CFAP95: variants seen among roughly 807,000 people sequenced by gnomAD.
CFAP95 encodes cilia- and flagella-associated protein 95.
chr9:69,881,990 C>CT, the CFAP95 span, among the ~76,000 whole-genome samples: 89,212 of 143,786 alleles, frequency 0.62, 27,687 homozygotes, highest in East Asian at 0.81. Flanking sequence ...ATAGAAATGC[C>CT]TTTTTTTTTT....
the CFAP95 span, among the ~76,000 whole-genome samples, chr9:69,898,144 G>A: frequency 6.6e-6 from 1 of 152,264 alleles, no homozygotes; most frequent in Non-Finnish European, 1.5e-5. Context: ...AGGGTGGCTA[G>A]AGGTTAATTG....
chr9:69,889,566 C>G, the CFAP95 span, among the ~76,000 whole-genome samples: 241 of 152,270 alleles, frequency 1.6e-3, no homozygotes, highest in African/African-American at 5.4e-3. Flanking sequence ...TTCCCCAGGC[C>G]CTAGCCCACC....
chr9:69,895,369 C>CTGTGTG, the CFAP95 span, among the ~76,000 whole-genome samples: 101 of 107,910 alleles, frequency 9.4e-4, 2 homozygotes, highest in East Asian at 0.016. Context: ...CTCTCTCTCT[C>CTGTGTG]TGTGTGTGTG....
chr9:69,857,853 A>G, the CFAP95 span: 6 of 1,537,616 alleles, frequency 3.9e-6, no homozygotes, highest in Non-Finnish European at 5.4e-6. Flanking sequence ...CATGGCTTTG[A>G]AAGTTTACAC....
At chr9:69,878,339 C>T in the CFAP95 span, among the ~76,000 whole-genome samples, 36 of 152,306 alleles carry the variant, frequency 2.4e-4, no homozygotes, top group African/African-American at 3.8e-4. Context: ...CTTGTTCTTA[C>T]GATTTCCTCA....
At chr9:69,842,094 A>G in the CFAP95 span, among the ~76,000 whole-genome samples, 2 of 152,156 alleles carry the variant, frequency 1.3e-5, no homozygotes, top group African/African-American at 2.4e-5. Context: ...ATGAAACACT[A>G]TCTGTTCGGT....
chr9:69,828,795 G>A, the CFAP95 span, among the ~76,000 whole-genome samples: 1 of 152,102 alleles, frequency 6.6e-6, no homozygotes, highest in Non-Finnish European at 1.5e-5. Context: ...GTGCATTTAT[G>A]GATTATTTGT....
the CFAP95 span, chr9:69,884,532 T>C: frequency 6.6e-6 from 1 of 152,190 alleles, no homozygotes; most frequent in Non-Finnish European, 1.5e-5. Flanking sequence ...GATGTTGAAC[T>C]TAGTGTGGAC....
At chr9:69,878,270 A>G in the CFAP95 span, among the ~76,000 whole-genome samples, 1 of 152,148 alleles carries the variant, frequency 6.6e-6, no homozygotes, top group Non-Finnish European at 1.5e-5. Flanking sequence ...TCCCAAGACT[A>G]TAACTGTGGT....
the CFAP95 span, among the ~76,000 whole-genome samples, chr9:69,894,568 G>T: frequency 1.3e-5 from 2 of 152,146 alleles, no homozygotes; most frequent in Admixed American, 6.5e-5. Flanking sequence ...CCTCACAACT[G>T]CCCCAGAATA....
the CFAP95 span, among the ~76,000 whole-genome samples, chr9:69,858,382 A>G: frequency 2.0e-5 from 3 of 152,202 alleles, no homozygotes; most frequent in South Asian, 4.1e-4. Context: ...CTCTCATTCC[A>G]TAAACGTGTT....
At chr9:69,874,934 A>G in the CFAP95 span, among the ~76,000 whole-genome samples, 282 of 152,314 alleles carry the variant, frequency 1.9e-3, no homozygotes, top group African/African-American at 6.5e-3. Context: ...CTCTGCTTCC[A>G]GAACCAGGGG....
chr9:69,878,710 T>C, the CFAP95 span, among the ~76,000 whole-genome samples: 5 of 152,352 alleles, frequency 3.3e-5, no homozygotes, highest in African/African-American at 1.2e-4. Flanking sequence ...TCTGTGATTC[T>C]GGTCTATTTT....
At chr9:69,824,855 T>G in the CFAP95 span, among the ~76,000 whole-genome samples, 1 of 152,212 alleles carries the variant, frequency 6.6e-6, no homozygotes, top group Non-Finnish European at 1.5e-5. Flanking sequence ...TATTTCTGTA[T>G]TTGCTAATTG....
the CFAP95 span, among the ~76,000 whole-genome samples, chr9:69,823,477 G>A: frequency 3.3e-5 from 5 of 152,280 alleles, no homozygotes; most frequent in South Asian, 2.1e-4. Flanking sequence ...TGTGTGTTGC[G>A]GCAAGTGACT....
chr9:69,898,350 C>G, the CFAP95 span, among the ~76,000 whole-genome samples: 1 of 152,154 alleles, frequency 6.6e-6, no homozygotes, highest in Non-Finnish European at 1.5e-5. Flanking sequence ...AACATTTGTG[C>G]CCCAGATCCC....
the CFAP95 span, among the ~76,000 whole-genome samples, chr9:69,894,556 A>T: frequency 2.1e-3 from 318 of 152,298 alleles, 2 homozygotes; most frequent in African/African-American, 7.1e-3. Context: ...AGCTCACTTA[A>T]TCCTCACAAC....
the CFAP95 span, among the ~76,000 whole-genome samples, chr9:69,880,286 T>C: frequency 0.86 from 130,107 of 152,136 alleles, 55,848 homozygotes; most frequent in Middle Eastern, 0.93. Context: ...CTCCCCACTA[T>C]GCCATCCCTT....
the CFAP95 span, among the ~76,000 whole-genome samples, chr9:69,864,024 G>C: frequency 0.03 from 4,589 of 152,212 alleles, 222 homozygotes; most frequent in African/African-American, 0.1. Context: ...GGTCCATGGG[G>C]CCCTGAGTTT....
Sources: gnomAD v4.1 joint callset for allele counts (sites outside exome capture counted in the v4.1 genomes callset) on GRCh38, gnomAD v4.1.1 for gene constraint, MANE v1.5 for transcripts, NCBI Gene and HGNC (gene_info 2026-07-23, HGNC 2026-07-21) for gene names.